Variants in CACNA2D3 observed in about 807,000 individuals in gnomAD.
CACNA2D3 encodes the protein calcium voltage-gated channel auxiliary subunit alpha2delta 3.
A neutral mutation model predicts 160.6 loss-of-function variants in CACNA2D3; 60 were observed. The observed-to-expected ratio is 0.37, with a 90% CI of 0.30 to 0.46. The LOEUF is 0.46. Ranked by LOEUF, CACNA2D3 falls within the 20% of genes least tolerant of loss-of-function variation. The pLI is 1.00. For missense variants in CACNA2D3, 1,205 were observed against 1,365.0 expected (o/e 0.88, Z 1.85); for synonymous variants, 558 against 492.9 (o/e 1.13, Z -1.75).
At chr3:54,998,864 A>G (rs1024252013) in intron 31 of CACNA2D3, among the ~76,000 whole-genome samples, 2 of 152,054 alleles carry the variant, frequency 1.3e-5, no homozygotes, top group African/African-American at 4.8e-5. Flanking sequence ...CTCCTGCCTA[A>G]GCCTCCCGAG....
intron 11 of CACNA2D3, among the ~76,000 whole-genome samples, chr3:54,656,620 G>T (rs750571843): frequency 6.6e-6 from 1 of 152,216 alleles, no homozygotes; most frequent in Non-Finnish European, 1.5e-5. Context: ...AGTGCCCAGT[G>T]TGCAGAAAAT....
intron 11 of CACNA2D3, among the ~76,000 whole-genome samples, chr3:54,648,901 C>CA (rs1328669438): frequency 6.6e-6 from 1 of 152,154 alleles, no homozygotes; most frequent in Non-Finnish European, 1.5e-5. Flanking sequence ...AATGATAACT[C>CA]AGTCATTACC....
In CACNA2D3 at chr3:54,386,924, T is replaced by C. The variant is rs1699197117; in HGVS notation, c.381+150T>C. 3.1e-5 allele frequency: 21 copies of C among 687,350 alleles called. 1 individual carries two copies. In the South Asian group the frequency reaches 4.4e-4, roughly 14 times the overall value. 42.6% of individuals were successfully genotyped at this position (687,350 alleles called of 1,614,324 possible). A position where few individuals can be genotyped will look rare whatever the true frequency, so the allele number is the denominator to read the frequency against. On this transcript the variant is annotated intron_variant, in intron 4 of 37. Coordinates refer to ENST00000474759, the MANE Select transcript of CACNA2D3 (RefSeq NM_018398.3). ...GAGTTGGAATCTTTGACAGGATTCT[T>C]AAGCAATCCGCAACCACCTTCTAAC... is the stretch of plus-strand genomic sequence containing the variant.
chr3:54,615,233 C>T (rs983333787), intron 9 of CACNA2D3, among the ~76,000 whole-genome samples: 9 of 152,174 alleles, frequency 5.9e-5, no homozygotes, highest in African/African-American at 1.4e-4. Flanking sequence ...TGACTACCAT[C>T]ATCGCAAGGA....
chr3:54,610,492 G>A (rs1029811039), intron 9 of CACNA2D3, among the ~76,000 whole-genome samples: 3 of 151,586 alleles, frequency 2.0e-5, no homozygotes, highest in African/African-American at 7.3e-5. Context: ...GACTGATTCA[G>A]TGGGAGCTGG....
chr3:54,971,098 A>T (rs1018635986), intron 29 of CACNA2D3, among the ~76,000 whole-genome samples: 1 of 151,904 alleles, frequency 6.6e-6, no homozygotes, highest in Admixed American at 6.6e-5. Flanking sequence ...TAATCATTGT[A>T]TGAGTCACAG....
intron 4 of CACNA2D3, among the ~76,000 whole-genome samples, chr3:54,436,474 C>T (rs1051109098): frequency 6.6e-6 from 1 of 152,172 alleles, no homozygotes; most frequent in African/African-American, 2.4e-5. Context: ...AAGTCACATG[C>T]ACACATATGT....
chr3:54,357,817 A>G (rs1167002111), intron 3 of CACNA2D3, among the ~76,000 whole-genome samples: 1 of 152,254 alleles, frequency 6.6e-6, no homozygotes, highest in African/African-American at 2.4e-5. Context: ...GCCAATGTGA[A>G]AAGTCTACAT....
chr3:54,626,317 C>G, intron 9 of CACNA2D3: 1 of 1,552,246 alleles, frequency 6.4e-7, no homozygotes, highest in Non-Finnish European at 8.7e-7. Context: ...GCTGATGCCG[C>G]TGTACAGTGC....
intron 17 of CACNA2D3, among the ~76,000 whole-genome samples, chr3:54,853,244 C>T (rs982437800): frequency 2.6e-4 from 39 of 152,076 alleles, no homozygotes; most frequent in Non-Finnish European, 2.9e-4. Flanking sequence ...TCTTGGAAAA[C>T]GTCTATTGTT....
At chr3:54,925,010 C>G (rs1295824960) in intron 27 of CACNA2D3, 1 of 1,614,066 alleles carries the variant, frequency 6.2e-7, no homozygotes, top group East Asian at 2.2e-5. Context: ...ATGGCACTGA[C>G]CTAAATGCAA....
chr3:54,916,807 A>G (rs779354163), intron 27 of CACNA2D3, among the ~76,000 whole-genome samples: 2 of 152,254 alleles, frequency 1.3e-5, no homozygotes, highest in Non-Finnish European at 2.9e-5. Context: ...CAAACCAATC[A>G]TTACATGGCC....
intron 5 of CACNA2D3, among the ~76,000 whole-genome samples, chr3:54,528,358 A>G (rs539705328): frequency 6.6e-6 from 1 of 152,326 alleles, no homozygotes; most frequent in South Asian, 2.1e-4. Flanking sequence ...AGAAAATATC[A>G]AATATAGCAA....
intron 2 of CACNA2D3, among the ~76,000 whole-genome samples, chr3:54,239,984 G>A (rs766350374): frequency 9.9e-5 from 15 of 152,282 alleles, no homozygotes; most frequent in African/African-American, 2.6e-4. Context: ...CACTGCAAAC[G>A]ACACCTGTGG....
rs550384589 is a variant in CACNA2D3 at position 54,409,924 on chromosome 3, G to T, written c.381+23150G>T. The stretch of plus-strand genomic sequence containing the variant: ...GCAAGGTGAAGCAGCAAGTGCTGAT[G>T]TAGAAAGTACAGCAAGTTATTCAGA... On this transcript the variant is annotated intron_variant, in intron 4 of 37. Coordinates refer to ENST00000474759, the MANE Select transcript of CACNA2D3 (RefSeq NM_018398.3). Among the ~76,000 whole-genome samples the T allele has an allele frequency of 3.3e-5, 5 of 152,370 alleles. No individual in the cohort carries two copies. In the South Asian group the frequency reaches 1.0e-3, roughly 32 times the overall value.
intron 2 of CACNA2D3, among the ~76,000 whole-genome samples, chr3:54,282,754 G>A (rs901888332): frequency 6.6e-6 from 1 of 152,122 alleles, no homozygotes; most frequent in African/African-American, 2.4e-5. Context: ...TAAGTATTAT[G>A]AGAAAGAGCA....
intron 11 of CACNA2D3, among the ~76,000 whole-genome samples, chr3:54,715,331 G>A (rs1701033003): frequency 6.6e-6 from 1 of 152,076 alleles, no homozygotes; most frequent in African/African-American, 2.4e-5. Flanking sequence ...ATGGGAGAAG[G>A]GGCACCACGG....
chr3:54,714,664 C>T (rs1701018314), intron 11 of CACNA2D3, among the ~76,000 whole-genome samples: 1 of 152,142 alleles, frequency 6.6e-6, no homozygotes, highest in Non-Finnish European at 1.5e-5. Context: ...TAGACTATTT[C>T]CTCACTAGAC....
intron 27 of CACNA2D3, among the ~76,000 whole-genome samples, chr3:54,921,908 AT>A (rs904308221): frequency 1.3e-4 from 20 of 148,998 alleles, no homozygotes; most frequent in African/African-American, 4.8e-4. Context: ...ATTTGTTTAT[AT>A]ATCTTTTTTT....
Sources: allele counts gnomAD v4.1 joint callset (sites outside exome capture counted in the v4.1 genomes callset), GRCh38; gene constraint gnomAD v4.1.1; transcripts MANE v1.5; gene names NCBI Gene and HGNC (gene_info 2026-07-23, HGNC 2026-07-21).